GRID2: variants seen among roughly 807,000 people sequenced by gnomAD.
The protein encoded by GRID2 is glutamate receptor ionotropic, delta-2.
In GRID2, 33 loss-of-function variants were observed where a neutral mutation model predicts 114.8. The observed-to-expected ratio is 0.29, with a 90% confidence interval of 0.22 to 0.38. GRID2 has a LOEUF of 0.38. Among genes scored for constraint, GRID2 ranks in the 10% least tolerant of loss-of-function variants. GRID2 has a pLI of 1.00. For synonymous variants in GRID2, 505 were observed against 449.9 expected, an observed-to-expected ratio of 1.12 and a Z score of -1.55; for missense variants, 1,184 against 1,257.7, an observed-to-expected ratio of 0.94 and a Z score of 0.89.
intron 14 of GRID2, among the ~76,000 whole-genome samples, chr4:93,646,173 GA>G (rs1231033997): frequency 8.5e-5 from 13 of 152,052 alleles, no homozygotes; most frequent in Non-Finnish European, 1.3e-4. Flanking sequence ...CAATAAATAA[GA>G]AAACAAAATA....
At chr4:92,838,101 G>T (rs1423919746) in intron 2 of GRID2, among the ~76,000 whole-genome samples, 4 of 152,160 alleles carry the variant, frequency 2.6e-5, no homozygotes, top group African/African-American at 9.6e-5. Context: ...GAAAGCCATG[G>T]TGTTTTACCT....
intron 2 of GRID2, among the ~76,000 whole-genome samples, chr4:93,032,239 A>G (rs1724507464): frequency 6.6e-6 from 1 of 152,300 alleles, no homozygotes; most frequent in South Asian, 2.1e-4. Flanking sequence ...ACATGAAAAT[A>G]GAAAGATTCA....
At chr4:92,956,810 A>C (rs1284186203) in intron 2 of GRID2, among the ~76,000 whole-genome samples, 1 of 152,168 alleles carries the variant, frequency 6.6e-6, no homozygotes, top group East Asian at 1.9e-4. Flanking sequence ...CATCCTCCCC[A>C]GCATTTGGTA....
chr4:93,591,535 T>C (rs1261858490), intron 13 of GRID2, among the ~76,000 whole-genome samples: 4 of 152,214 alleles, frequency 2.6e-5, no homozygotes, highest in African/African-American at 9.6e-5. Context: ...GTTCTGTCTC[T>C]GCCGGGCTTT....
At chr4:93,501,597 GTC>G (rs35370533) in intron 12 of GRID2, among the ~76,000 whole-genome samples, 28,615 of 151,822 alleles carry the variant, frequency 0.19, 3,188 homozygotes, top group Middle Eastern at 0.33. Flanking sequence ...ACAGAATTTT[GTC>G]TCTGTTTTGG....
chr4:92,744,928 G>A (rs995735073), intron 2 of GRID2, among the ~76,000 whole-genome samples: 24 of 152,112 alleles, frequency 1.6e-4, no homozygotes, highest in Admixed American at 1.6e-3. Context: ...GGCTAATTTA[G>A]CACTGTTGAG....
At chr4:93,750,540 T>C (rs1732230918) in intron 14 of GRID2, among the ~76,000 whole-genome samples, 1 of 151,958 alleles carries the variant, frequency 6.6e-6, no homozygotes, top group African/African-American at 2.4e-5. Context: ...GAGGCCAAGG[T>C]GAGTGGATCA....
At chr4:93,406,585 C>T (rs566040554) in intron 9 of GRID2, among the ~76,000 whole-genome samples, 2 of 152,218 alleles carry the variant, frequency 1.3e-5, no homozygotes, top group African/African-American at 4.8e-5. Flanking sequence ...CGCCAGAGCT[C>T]ACACATGATT....
chr4:92,372,267 A>C (rs1729151678), intron 1 of GRID2, among the ~76,000 whole-genome samples: 1 of 152,194 alleles, frequency 6.6e-6, no homozygotes, highest in African/African-American at 2.4e-5. Context: ...TTTTAAAAGA[A>C]GTTCTACCGT....
chr4:92,565,748 G>A (rs1431632294), intron 1 of GRID2, among the ~76,000 whole-genome samples: 3 of 151,888 alleles, frequency 2.0e-5, no homozygotes, highest in Non-Finnish European at 4.4e-5. Flanking sequence ...CTCCCATGTT[G>A]TATAAGCCCA....
At chr4:92,433,575 T>C (rs1230447383) in intron 1 of GRID2, among the ~76,000 whole-genome samples, 4 of 152,124 alleles carry the variant, frequency 2.6e-5, no homozygotes, top group Non-Finnish European at 5.9e-5. Flanking sequence ...AGCACACAGA[T>C]TCTCTCCCCA....
intron 10 of GRID2, among the ~76,000 whole-genome samples, chr4:93,427,738 T>C (rs1164900454): frequency 1.3e-5 from 2 of 152,026 alleles, no homozygotes; most frequent in East Asian, 1.9e-4. Context: ...ATGATGTACA[T>C]ATGGAGTCTA....
intron 1 of GRID2, among the ~76,000 whole-genome samples, chr4:92,509,494 GA>G (rs768879948): frequency 5.9e-5 from 9 of 151,900 alleles, no homozygotes; most frequent in Non-Finnish European, 8.8e-5. Context: ...ATATATTAAT[GA>G]ATAAAACAGA....
chr4:93,174,381 G>C (rs1739145437), intron 4 of GRID2, among the ~76,000 whole-genome samples: 1 of 152,114 alleles, frequency 6.6e-6, no homozygotes, highest in Non-Finnish European at 1.5e-5. Flanking sequence ...GTAACCTTTT[G>C]AGACTGGCTT....
chr4:92,905,534 C>T (rs1747881258), intron 2 of GRID2, among the ~76,000 whole-genome samples: 1 of 151,906 alleles, frequency 6.6e-6, no homozygotes, highest in South Asian at 2.1e-4. Flanking sequence ...TTGAAATGTT[C>T]TGGAAGTGTT....
At chr4:92,946,710 T>A (rs997536996) in intron 2 of GRID2, among the ~76,000 whole-genome samples, 12 of 152,088 alleles carry the variant, frequency 7.9e-5, no homozygotes, top group African/African-American at 2.9e-4. Context: ...GGACAGAAAG[T>A]CTCACAACTT....
intron 11 of GRID2, among the ~76,000 whole-genome samples, chr4:93,473,251 A>T (rs923416010): frequency 4.6e-5 from 7 of 152,120 alleles, no homozygotes; most frequent in African/African-American, 1.4e-4. Context: ...GTGCACATCC[A>T]TGGTCATTTT....
At chr4:93,304,076 AT>A (rs1225557152) in intron 8 of GRID2, among the ~76,000 whole-genome samples, 1 of 151,514 alleles carries the variant, frequency 6.6e-6, no homozygotes, top group East Asian at 1.9e-4. Context: ...TTTAAAGGAA[AT>A]TTTTAAAAAT....
intron 6 of GRID2, among the ~76,000 whole-genome samples, chr4:93,217,652 A>T (rs1189607705): frequency 1.3e-5 from 2 of 152,016 alleles, no homozygotes; most frequent in Non-Finnish European, 2.9e-5. Flanking sequence ...GGGAGCCTTA[A>T]GGAGCCCTCT....
Sources: gnomAD v4.1 joint callset for allele counts (sites outside exome capture counted in the v4.1 genomes callset) on GRCh38, gnomAD v4.1.1 for gene constraint, MANE v1.5 for transcripts, NCBI Gene and HGNC (gene_info 2026-07-23, HGNC 2026-07-21) for gene names.